ACMSD: variants seen among roughly 807,000 people sequenced by gnomAD.
ACMSD encodes aminocarboxymuconate semialdehyde decarboxylase, also known as 2-amino-3-carboxymuconate-6-semialdehyde decarboxylase.
A neutral mutation model predicts 45.9 loss-of-function variants in ACMSD; 37 were observed. That is an observed-to-expected ratio of 0.81 (90% CI 0.62 to 1.06). The LOEUF (loss-of-function observed/expected upper bound fraction) is 1.06. ACMSD is among the 50% of genes least tolerant of loss of function. The probability of loss-of-function intolerance (pLI) is 0.00; values close to 1 mark genes in which losing one functional copy is unlikely to be tolerated. For synonymous variants in ACMSD, 138 were observed against 148.8 expected, an observed-to-expected ratio of 0.93 and a Z score of 0.53; for missense variants, 434 against 420.9, an observed-to-expected ratio of 1.03 and a Z score of -0.27.
At chr2:134,862,261 G>T (rs1687882637) in intron 4 of ACMSD, among the ~76,000 whole-genome samples, 1 of 152,124 alleles carries the variant, frequency 6.6e-6, no homozygotes, top group Non-Finnish European at 1.5e-5. Flanking sequence ...ACTGTACAGT[G>T]GTACTAGACC....
chr2:134,882,208 A>G (rs1689074564), intron 8 of ACMSD, among the ~76,000 whole-genome samples: 1 of 152,244 alleles, frequency 6.6e-6, no homozygotes, highest in Admixed American at 6.5e-5. Flanking sequence ...GCTTCCAAGT[A>G]TTTTGGTTAC....
At chr2:134,897,348 CTCTTTA>C (rs1441465228) in intron 8 of ACMSD, among the ~76,000 whole-genome samples, 2 of 152,080 alleles carry the variant, frequency 1.3e-5, no homozygotes, top group Non-Finnish European at 2.9e-5. Flanking sequence ...CTCTTTATTT[CTCTTTA>C]TAACTTCAAG....
intron 1 of ACMSD, among the ~76,000 whole-genome samples, chr2:134,840,715 G>A (rs905906941): frequency 4.0e-5 from 6 of 151,174 alleles, no homozygotes; most frequent in Admixed American, 2.0e-4. Flanking sequence ...AGAGGGAGAG[G>A]AATTTTGTCC....
At chr2:134,840,762 T>A (rs185339686) in intron 1 of ACMSD, among the ~76,000 whole-genome samples, 110 of 151,916 alleles carry the variant, frequency 7.2e-4, no homozygotes, top group Non-Finnish European at 2.2e-4. Flanking sequence ...TTTATTTTTA[T>A]GTATTTATTT....
intron 2 of ACMSD, among the ~76,000 whole-genome samples, 196 bp from the exon 3 acceptor site, chr2:134,859,065 C>G (rs12053395): frequency 0.23 from 34,626 of 149,968 alleles, 4,226 homozygotes; most frequent in South Asian, 0.37. Flanking sequence ...ACAGAGCACA[C>G]CCCTTCAACT....
intron 1 of ACMSD, among the ~76,000 whole-genome samples, chr2:134,842,604 A>G (rs949664558): frequency 2.0e-5 from 3 of 152,020 alleles, no homozygotes; most frequent in African/African-American, 7.3e-5. Flanking sequence ...CACTCCCTCC[A>G]CCATGGCAAT....
chr2:134,885,272 T>C (rs1333353999), intron 8 of ACMSD, among the ~76,000 whole-genome samples: 3 of 66,640 alleles, frequency 4.5e-5, no homozygotes, highest in African/African-American at 7.7e-5. Flanking sequence ...TATATAAATA[T>C]ATATATTATA....
intron 8 of ACMSD, among the ~76,000 whole-genome samples, chr2:134,882,366 T>C (rs1689087217): frequency 6.6e-6 from 1 of 152,252 alleles, no homozygotes; most frequent in Middle Eastern, 3.4e-3. Context: ...TGACCAAATA[T>C]CAAGTCACTT....
chr2:134,855,160 C>T (rs921684058), intron 2 of ACMSD, among the ~76,000 whole-genome samples: 1 of 152,072 alleles, frequency 6.6e-6, no homozygotes, highest in African/African-American at 2.4e-5. Flanking sequence ...GCAACAGAAA[C>T]CAACAATCAT....
At chr2:134,872,427 T>G in intron 7 of ACMSD, 42 bp from the exon 8 acceptor site, 1 of 1,612,234 alleles carries the variant, frequency 6.2e-7, no homozygotes, top group Non-Finnish European at 8.5e-7. Flanking sequence ...AGGAATCCTT[T>G]ACAATCAACA....
intron 5 of ACMSD, among the ~76,000 whole-genome samples, chr2:134,866,486 T>C (rs1490251296): frequency 1.3e-5 from 2 of 152,202 alleles, no homozygotes; most frequent in African/African-American, 4.8e-5. Flanking sequence ...TTAAAAGGCT[T>C]ATATCTCTTC....
chr2:134,887,629 C>G (rs1051696528), intron 8 of ACMSD, among the ~76,000 whole-genome samples: 7 of 152,180 alleles, frequency 4.6e-5, no homozygotes, highest in African/African-American at 1.7e-4. Context: ...GTCTTGAATT[C>G]CTGGCTTCAA....
intron 8 of ACMSD, among the ~76,000 whole-genome samples, chr2:134,890,134 G>A (rs1013908042): frequency 6.6e-6 from 1 of 151,872 alleles, no homozygotes; most frequent in East Asian, 1.9e-4. Context: ...TAATCATGAA[G>A]AGAAAAAAAT....
chr2:134,876,035 A>C (rs1275586727), intron 8 of ACMSD, among the ~76,000 whole-genome samples: 3 of 152,228 alleles, frequency 2.0e-5, no homozygotes, highest in Non-Finnish European at 4.4e-5. Context: ...TTGTGTAGCG[A>C]AACATATCTA....
At chr2:134,860,180 T>C (rs1573641262) in intron 3 of ACMSD, among the ~76,000 whole-genome samples, 1 of 152,286 alleles carries the variant, frequency 6.6e-6, no homozygotes. Flanking sequence ...CAAGAATCGC[T>C]TGAACCCAGG....
chr2:134,874,071 G>A (rs1476447319), intron 8 of ACMSD, among the ~76,000 whole-genome samples: 3 of 152,180 alleles, frequency 2.0e-5, no homozygotes, highest in Non-Finnish European at 4.4e-5. Context: ...CACCTTCAGC[G>A]AGCACCCAGT....
intron 2 of ACMSD, among the ~76,000 whole-genome samples, chr2:134,847,451 T>TAC (rs1559039353): frequency 1.4e-5 from 2 of 143,862 alleles, no homozygotes; most frequent in African/African-American, 2.5e-5. Context: ...TAGATAGATA[T>TAC]AGATAGAGAT....
At chr2:134,847,143 C>T (rs1379401999) in intron 2 of ACMSD, among the ~76,000 whole-genome samples, 4 of 152,170 alleles carry the variant, frequency 2.6e-5, no homozygotes, top group African/African-American at 9.7e-5. Context: ...GTCTGGATTG[C>T]ATTCTCAAAA....
intron 3 of ACMSD, among the ~76,000 whole-genome samples, chr2:134,860,637 G>A (rs1051940220): frequency 1.3e-5 from 2 of 152,034 alleles, no homozygotes; most frequent in East Asian, 1.9e-4. Flanking sequence ...GGAATCAAAC[G>A]GTCAGCCTAA....
Sources: gnomAD v4.1 joint callset for allele counts (sites outside exome capture counted in the v4.1 genomes callset) on GRCh38, gnomAD v4.1.1 for gene constraint, MANE v1.5 for transcripts, NCBI Gene and HGNC (gene_info 2026-07-23, HGNC 2026-07-21) for gene names.